The following ANKRD30B variants were observed in gnomAD, a reference collection of about 807,000 sequenced individuals.
ANKRD30B encodes ankyrin repeat domain 30B.
In ANKRD30B, 144 loss-of-function variants were observed where a neutral mutation model predicts 202.2. The ratio of observed to expected loss-of-function variants is 0.71; its 90% confidence interval spans 0.62 to 0.82. The LOEUF is 0.82. ANKRD30B is among the 40% of genes least tolerant of loss of function. The pLI is 0.00. For missense variants in ANKRD30B, 1,487 were observed against 1,669.1 expected (o/e 0.89, Z 1.90); for synonymous variants, 508 against 561.3 (o/e 0.91, Z 1.34).
chr18:14,895,170 C>T, the ANKRD30B span, among the ~76,000 whole-genome samples: 38 of 148,522 alleles, frequency 2.6e-4, no homozygotes, highest in Admixed American at 2.7e-4. Context: ...GTTGAAAAAC[C>T]ATTAGGTACT....
At chr18:14,796,922 T>C (rs922320411) in intron 18 of ANKRD30B, among the ~76,000 whole-genome samples, 30 of 152,316 alleles carry the variant, frequency 2.0e-4, no homozygotes, top group African/African-American at 4.8e-4. Flanking sequence ...AAATACAGTA[T>C]ACAGGGATAA....
In ANKRD30B at chr18:14,831,198, A is replaced by C. The variant is rs1301044249; in HGVS notation, c.2775-185A>C. Reference sequence around the variant, plus strand: ...CCGTCTCGGAAAAAAAAAAAAAAAAAAACGAAAACCAGATGGCATATTTTA... The same window carrying C: ...CCGTCTCGGAAAAAAAAAAAAAAAACAACGAAAACCAGATGGCATATTTTA... On this transcript the variant is annotated intron_variant, in intron 33 of 43. Coordinates refer to ENST00000690538, the MANE Select transcript of ANKRD30B (RefSeq NM_001367607.2). 2.0e-5 allele frequency among the ~76,000 whole-genome samples: 3 copies of C among 151,164 alleles called. No individual in the cohort carries two copies. The South Asian group carries it at 6.2e-4, about 31-fold the overall frequency.
intron 30 of ANKRD30B, among the ~76,000 whole-genome samples, chr18:14,819,858 T>C (rs1193865749): frequency 6.6e-6 from 1 of 152,190 alleles, no homozygotes; most frequent in Non-Finnish European, 1.5e-5. Context: ...TCATTTTTGG[T>C]TCCATATGAA....
chr18:14,805,596 C>A (rs1255561626), intron 24 of ANKRD30B, among the ~76,000 whole-genome samples: 2 of 150,684 alleles, frequency 1.3e-5, no homozygotes, highest in Non-Finnish European at 3.0e-5. Flanking sequence ...GTCAAATCTA[C>A]ATTCAGCTGA....
chr18:14,755,337 AATT>A (rs1914161059), intron 4 of ANKRD30B, among the ~76,000 whole-genome samples: 1 of 152,018 alleles, frequency 6.6e-6, no homozygotes, highest in South Asian at 2.1e-4. Flanking sequence ...TTCAATATTG[AATT>A]ATTAACAGTT....
At chr18:14,830,609 T>C (rs1970873892) in intron 33 of ANKRD30B, among the ~76,000 whole-genome samples, 1 of 152,142 alleles carries the variant, frequency 6.6e-6, no homozygotes, top group Admixed American at 6.5e-5. Context: ...CACAGATTAG[T>C]CTTTGAATCA....
At chr18:14,808,329 T>G in intron 24 of ANKRD30B, 2 of 562,790 alleles carry the variant, frequency 3.6e-6, no homozygotes, top group South Asian at 1.6e-5. Flanking sequence ...TGTTGAAATC[T>G]TCATAGCACG....
chr18:14,916,028 A>T, the ANKRD30B span, among the ~76,000 whole-genome samples: 1 of 152,210 alleles, frequency 6.6e-6, no homozygotes, highest in Non-Finnish European at 1.5e-5. Context: ...AAATCTAAGC[A>T]TCTGTAGATT....
At position 14,748,514 on chromosome 18, in the gene ANKRD30B, G is replaced by C; in HGVS notation, c.95G>C (p.Gly32Ala). The change falls in exon 1 of 44, where the codon GGG becomes GCG. Residue 32 changes from glycine to alanine, a missense_variant. Gly to Ala is a moderately conservative substitution (Grantham distance 60). Around this residue, in one of 6 missense-constraint regions of ANKRD30B, gnomAD observed 889 missense variants for 841.4 expected, o/e 1.06. Transcript: ENST00000690538. ...SERVYTEKDY[G>A]TIYFGDLGKI... is the part of the protein sequence containing the mutation. ...CGGGTCTACACTGAGAAGGACTACG[G>C]GACCATCTACTTCGGGGATCTAGGG... The C allele has an allele frequency of 6.4e-7, 1 of 1,552,144 alleles. No individual in the cohort carries two copies. The highest frequency in any genetic ancestry group is 8.7e-7 in the Non-Finnish European group (1 of 1,147,202).
chr18:14,792,415 A>G (rs1332569200), intron 16 of ANKRD30B, among the ~76,000 whole-genome samples: 1 of 152,134 alleles, frequency 6.6e-6, no homozygotes, highest in Non-Finnish European at 1.5e-5. Flanking sequence ...GACGGAAGAT[A>G]CTACTGCTAA....
At chr18:14,849,067 A>C in intron 40 of ANKRD30B, 138 bp downstream of exon 40, 3 of 1,048,922 alleles carry the variant, frequency 2.9e-6, no homozygotes, top group East Asian at 3.3e-5. Context: ...AAATTCTTTT[A>C]AATAATAAAA....
chr18:14,915,881 G>A, the ANKRD30B span, among the ~76,000 whole-genome samples: 24 of 152,168 alleles, frequency 1.6e-4, no homozygotes, highest in South Asian at 8.3e-4. Context: ...AAAATTATTC[G>A]AATAAAAAAC....
At chr18:14,850,152 A>G in intron 40 of ANKRD30B, 62 bp from the exon 41 acceptor site, 3 of 1,113,840 alleles carry the variant, frequency 2.7e-6, no homozygotes, top group Non-Finnish European at 3.7e-6. Flanking sequence ...GAAGAAGTAG[A>G]TCTCAAAGTG....
intron 3 of ANKRD30B, among the ~76,000 whole-genome samples, chr18:14,754,530 A>G (rs1356732926): frequency 6.6e-6 from 1 of 152,162 alleles, no homozygotes; most frequent in Non-Finnish European, 1.5e-5. Context: ...AGGTAATATT[A>G]TAGATTACTC....
intron 16 of ANKRD30B, among the ~76,000 whole-genome samples, chr18:14,795,498 G>A (rs58958906): frequency 0.014 from 2,191 of 152,306 alleles, 59 homozygotes; most frequent in African/African-American, 0.051. Context: ...CACCTGGACT[G>A]TATTAGTTTG....
chr18:14,841,349 T>G (rs1308788855), intron 37 of ANKRD30B, among the ~76,000 whole-genome samples: 1 of 152,076 alleles, frequency 6.6e-6, no homozygotes, highest in Non-Finnish European at 1.5e-5. Flanking sequence ...GCATTTTTAA[T>G]AAATTCTCAA....
the ANKRD30B span, among the ~76,000 whole-genome samples, chr18:14,914,365 G>T: frequency 6.6e-6 from 1 of 152,204 alleles, no homozygotes; most frequent in East Asian, 1.9e-4. Context: ...GGGATCCACT[G>T]CTCCTGCTAC....
the ANKRD30B span, among the ~76,000 whole-genome samples, chr18:14,880,690 C>T: frequency 7.9e-5 from 12 of 151,694 alleles, no homozygotes; most frequent in African/African-American, 2.4e-4. Context: ...CTCAGCTTCC[C>T]GAGTAGCTGG....
chr18:14,797,265 C>G (rs1420850445), intron 18 of ANKRD30B, among the ~76,000 whole-genome samples: 1 of 152,134 alleles, frequency 6.6e-6, no homozygotes, highest in African/African-American at 2.4e-5. Flanking sequence ...ATTCCCAGAG[C>G]TATGAACATA....
Sources: gnomAD v4.1 joint callset for allele counts (sites outside exome capture counted in the v4.1 genomes callset) on GRCh38, gnomAD v4.1.1 for gene constraint, gnomAD v4.1.1 regional missense constraint, MANE v1.5 for transcripts, NCBI Gene and HGNC (gene_info 2026-07-23, HGNC 2026-07-21) for gene names.